Variants in CYP19A1 observed in about 807,000 individuals in gnomAD.
CYP19A1 encodes aromatase.
In CYP19A1, 32 loss-of-function variants were observed where a neutral mutation model predicts 44.4. The observed-to-expected ratio is 0.72, with a 90% CI of 0.54 to 0.97. The LOEUF is 0.97. Among genes scored for constraint, CYP19A1 ranks in the 50% least tolerant of loss-of-function variants. The pLI is 0.00. For synonymous variants in CYP19A1, 212 were observed against 215.6 expected, an observed-to-expected ratio of 0.98 and a Z score of 0.14; for missense variants, 598 against 637.8, an observed-to-expected ratio of 0.94 and a Z score of 0.67.
At chr15:51,271,010 A>T (rs372799411) in intron 1 of CYP19A1, among the ~76,000 whole-genome samples, 1 of 148,924 alleles carries the variant, frequency 6.7e-6, no homozygotes, top group South Asian at 2.1e-4. Context: ...CCTCCCTCTC[A>T]CCCTGTCTGA....
At chr15:51,262,742 G>C (rs1566901382) in intron 1 of CYP19A1, among the ~76,000 whole-genome samples, 1 of 152,192 alleles carries the variant, frequency 6.6e-6, no homozygotes, top group Non-Finnish European at 1.5e-5. Flanking sequence ...TGGAGAAAAG[G>C]CTGCAGTGAC....
intron 1 of CYP19A1, among the ~76,000 whole-genome samples, chr15:51,335,579 G>T (rs1349407032): frequency 1.3e-5 from 2 of 152,170 alleles, no homozygotes; most frequent in African/African-American, 4.8e-5. Context: ...GAAAGAGAAA[G>T]TTACATTTTC....
chr15:51,331,748 A>G (rs538769110), intron 1 of CYP19A1, among the ~76,000 whole-genome samples: 23 of 152,280 alleles, frequency 1.5e-4, no homozygotes, highest in Admixed American at 5.9e-4. Context: ...AATTATTATC[A>G]TTACATAGCA....
At chr15:51,308,980 A>G (rs934457106) in intron 1 of CYP19A1, among the ~76,000 whole-genome samples, 1 of 152,208 alleles carries the variant, frequency 6.6e-6, no homozygotes. Context: ...CTCTGGCATT[A>G]CATCAATGCA....
chr15:51,213,206 G>A (rs2031204945), intron 8 of CYP19A1, among the ~76,000 whole-genome samples: 1 of 152,188 alleles, frequency 6.6e-6, no homozygotes, highest in Non-Finnish European at 1.5e-5. Flanking sequence ...AAGACCTGCA[G>A]TAGAGTGACA....
At chr15:51,322,058 C>T (rs1486904062) in intron 1 of CYP19A1, 2 of 152,220 alleles carry the variant, frequency 1.3e-5, no homozygotes, top group Non-Finnish European at 2.9e-5. Context: ...CTACAGCTCC[C>T]GTCCCACATC....
At position 51,210,754 on chromosome 15, in the gene CYP19A1, T is replaced by G; in HGVS notation, c.*54A>C. On this transcript the variant is annotated 3_prime_UTR_variant, in exon 10 of 10. Transcript: ENST00000396402. The stretch of plus-strand genomic sequence containing the variant: ...ACACTATTGGCAAGGATGGATGATT[T>G]GTATGTGAACTACTGATGAGAAATG... 2 of 1,153,496 alleles carry G rather than the reference T, an allele frequency of 1.7e-6. No individual in the cohort carries two copies. The highest frequency in any genetic ancestry group is 2.6e-6 in the Non-Finnish European group (2 of 757,778). 71.5% of individuals were successfully genotyped at this position (1,153,496 alleles called of 1,614,324 possible). A position where few individuals can be genotyped will look rare whatever the true frequency, so the allele number is the denominator to read the frequency against.
chr15:51,335,597 C>T (rs11070844), intron 1 of CYP19A1, among the ~76,000 whole-genome samples: 24,970 of 152,200 alleles, frequency 0.16, 2,351 homozygotes, highest in South Asian at 0.26. Flanking sequence ...TTCTAGAACT[C>T]AGCACTTCCT....
At chr15:51,286,924 G>T (rs1404310032) in intron 1 of CYP19A1, among the ~76,000 whole-genome samples, 1 of 152,196 alleles carries the variant, frequency 6.6e-6, no homozygotes, top group African/African-American at 2.4e-5. Flanking sequence ...ATGGCCTCTA[G>T]AGGGGACAGG....
intron 1 of CYP19A1, among the ~76,000 whole-genome samples, chr15:51,292,146 A>C (rs577743224): frequency 6.6e-6 from 1 of 152,138 alleles, no homozygotes; most frequent in Admixed American, 6.5e-5. Context: ...AGGTGAAGGA[A>C]CTCTCCTTTG....
At chr15:51,258,264 C>T (rs1320224940) in intron 1 of CYP19A1, among the ~76,000 whole-genome samples, 1 of 152,224 alleles carries the variant, frequency 6.6e-6, no homozygotes, top group African/African-American at 2.4e-5. Flanking sequence ...CATTTTCTCT[C>T]CTTTTAGTTT....
intron 1 of CYP19A1, among the ~76,000 whole-genome samples, chr15:51,243,778 C>G (rs574357244): frequency 1.3e-5 from 2 of 152,304 alleles, no homozygotes; most frequent in South Asian, 2.1e-4. Context: ...ACATCCTGTG[C>G]AAGACAATCA....
intron 3 of CYP19A1, among the ~76,000 whole-genome samples, chr15:51,232,469 CT>C (rs2033104795): frequency 6.6e-6 from 1 of 152,152 alleles, no homozygotes; most frequent in Non-Finnish European, 1.5e-5. Flanking sequence ...ACTAGAGGGT[CT>C]CAAGGTTCAG....
At chr15:51,239,595 C>T (rs1223682408) in intron 2 of CYP19A1, among the ~76,000 whole-genome samples, 2 of 151,700 alleles carry the variant, frequency 1.3e-5, no homozygotes, top group African/African-American at 4.9e-5. Flanking sequence ...GCAAAATTAA[C>T]CTGTATTCTC....
chr15:51,254,668 G>A (rs957277887), intron 1 of CYP19A1, among the ~76,000 whole-genome samples: 1 of 151,996 alleles, frequency 6.6e-6, no homozygotes, highest in South Asian at 2.1e-4. Context: ...TTTGTCATCT[G>A]TTTGTCCTTT....
intron 1 of CYP19A1, among the ~76,000 whole-genome samples, chr15:51,310,660 A>C (rs2036294558): frequency 6.6e-6 from 1 of 152,168 alleles, no homozygotes; most frequent in Admixed American, 6.5e-5. Context: ...GGGAGTCCTC[A>C]CTTTTTTCCC....
chr15:51,305,574 G>T (rs1282452238), intron 1 of CYP19A1, among the ~76,000 whole-genome samples: 3 of 151,964 alleles, frequency 2.0e-5, no homozygotes, highest in Non-Finnish European at 4.4e-5. Context: ...TCGTTTGTTT[G>T]TTTTGAGACA....
intron 3 of CYP19A1, among the ~76,000 whole-genome samples, chr15:51,235,117 A>G (rs2033305226): frequency 6.6e-6 from 1 of 152,216 alleles, no homozygotes; most frequent in Non-Finnish European, 1.5e-5. Context: ...GACCATAGCC[A>G]GTTGTAAAAG....
At chr15:51,328,370 G>A (rs2036645162) in intron 1 of CYP19A1, among the ~76,000 whole-genome samples, 1 of 152,196 alleles carries the variant, frequency 6.6e-6, no homozygotes, top group Non-Finnish European at 1.5e-5. Flanking sequence ...TGATGTGGAT[G>A]GTCCTGACCA....
Sources: gnomAD v4.1 joint callset for allele counts (sites outside exome capture counted in the v4.1 genomes callset) on GRCh38, gnomAD v4.1.1 for gene constraint, MANE v1.5 for transcripts, NCBI Gene and HGNC (gene_info 2026-07-23, HGNC 2026-07-21) for gene names.